The following LYSMD4 variants were observed in gnomAD, a reference collection of about 807,000 sequenced individuals.
LYSMD4 encodes LysM domain containing 4, also known as lysM and putative peptidoglycan-binding domain-containing protein 4.
In LYSMD4, 9 loss-of-function variants were observed where a neutral mutation model predicts 6.1. The ratio of observed to expected loss-of-function variants is 1.47; its 90% CI spans 0.88 to 2.56. The LOEUF is 2.56. Among genes scored for constraint, LYSMD4 ranks in the 30% most tolerant of loss-of-function variants. The probability of loss-of-function intolerance (pLI) is 0.00; values close to 1 mark genes in which losing one functional copy is unlikely to be tolerated. For missense variants in LYSMD4, 384 were observed against 373.5 expected, an observed-to-expected ratio of 1.03 and a Z score of -0.23; for synonymous variants, 143 against 148.5, an observed-to-expected ratio of 0.96 and a Z score of 0.27.
upstream of LYSMD4, among the ~76,000 whole-genome samples, chr15:99,720,418 C>A (rs1438736145): frequency 6.6e-6 from 1 of 152,060 alleles, no homozygotes; most frequent in Non-Finnish European, 1.5e-5. Flanking sequence ...CCCAGGAATT[C>A]GAGACCAGCC....
chr15:99,726,537 C>T (rs568398792), downstream of LYSMD4, among the ~76,000 whole-genome samples: 61 of 152,222 alleles, frequency 4.0e-4, no homozygotes, highest in African/African-American at 1.4e-3. Context: ...CCTTGCATGG[C>T]GGGGCCTTGA....
downstream of LYSMD4, among the ~76,000 whole-genome samples, chr15:99,723,696 T>C (rs968370860): frequency 6.6e-6 from 1 of 152,234 alleles, no homozygotes. Flanking sequence ...CTTCTTGCGA[T>C]GACACCAGGA....
At chr15:99,731,633 A>G (rs2059415203) in intron 2 of LYSMD4, 85 bp downstream of exon 2, 4 of 1,521,340 alleles carry the variant, frequency 2.6e-6, no homozygotes, top group South Asian at 1.3e-5. Context: ...CAGGGTTAAG[A>G]AGGGCGGCAA....
At chr15:99,721,841 G>T (rs1019148361), upstream of LYSMD4, among the ~76,000 whole-genome samples, 1 of 152,206 alleles carries the variant, frequency 6.6e-6, no homozygotes, top group Admixed American at 6.5e-5. Context: ...TGATCTCTGA[G>T]AGACCAGAAA....
exon 1 of LYSMD4, chr15:99,715,887 T>A (rs28377673): frequency 1.3e-5 from 2 of 152,362 alleles, no homozygotes; most frequent in Admixed American, 6.5e-5. Context: ...AGCCCAATTA[T>A]GTCCATTTTG....
At chr15:99,715,888 GTCCA>G (rs949934366) in exon 1 of LYSMD4, 21 of 152,360 alleles carry the variant, frequency 1.4e-4, no homozygotes, top group African/African-American at 5.1e-4. Context: ...GCCCAATTAT[GTCCA>G]TTTTGTTATA....
chr15:99,733,200 C>T (rs966171585), intron 1 of LYSMD4, 145 bp downstream of exon 1: 1 of 373,606 alleles, frequency 2.7e-6, no homozygotes, highest in Non-Finnish European at 4.8e-6. Flanking sequence ...TCGCGGTCAC[C>T]GCCCCTCCAG....
chr15:99,718,490 C>T (rs1222881018), upstream of LYSMD4, among the ~76,000 whole-genome samples: 1 of 152,208 alleles, frequency 6.6e-6, no homozygotes, highest in Non-Finnish European at 1.5e-5. Context: ...TGGTAGCTGC[C>T]TGTTTTCTTC....
At chr15:99,730,894 C>T (rs1444441980) in intron 2 of LYSMD4, among the ~76,000 whole-genome samples, 1 of 152,176 alleles carries the variant, frequency 6.6e-6, no homozygotes, top group Non-Finnish European at 1.5e-5. Flanking sequence ...AGCTGCTTAT[C>T]GGAGCCAAAT....
Position 99,729,642 on chromosome 15 carries a change from C to T in LYSMD4, c.372G>A (p.Gly124=). 6.2e-7 allele frequency: 1 copy of T among 1,614,088 alleles called. No individual in the cohort carries two copies. The highest frequency in any genetic ancestry group is 8.5e-7 in the Non-Finnish European group (1 of 1,180,024). ...KSVKIPVRNH[G]ILMETHKELK... ...GTTCTTTGTGGGTCTCCATCAGGAT[C>T]CCATGGTTTCTCACTGGAATCTTAA... Residue 124 remains glycine, a synonymous_variant, in exon 3 of 3, where the codon GGG becomes GGA. Transcript: ENST00000684762.
chr15:99,716,188 T>TA (rs2059134157), exon 1 of LYSMD4: 1 of 183,992 alleles, frequency 5.4e-6, no homozygotes, highest in African/African-American at 2.4e-5. Context: ...ATGGCTTTTT[T>TA]AAAAGAGATT....
At position 99,728,961 on chromosome 15, in the gene LYSMD4, C is replaced by G. The variant is rs886700229; in HGVS notation, c.*162G>C. On this transcript the variant is annotated 3_prime_UTR_variant, in exon 3 of 3. Coordinates refer to ENST00000684762, the MANE Select transcript of LYSMD4 (RefSeq NM_001284417.2). Reference sequence around the variant, plus strand: ...TCCTGCCAGCTTAGACTGGGTAAGGCCATGCCCAGGGCCAGTGCAATTGGG... The same window carrying G: ...TCCTGCCAGCTTAGACTGGGTAAGGGCATGCCCAGGGCCAGTGCAATTGGG... 5 of 985,686 alleles carry G rather than the reference C, an allele frequency of 5.1e-6. No individual in the cohort carries two copies. The African/African-American group carries it at 8.1e-5, about 16-fold the overall frequency. 61.1% of individuals were successfully genotyped at this position (985,686 alleles called of 1,614,324 possible). A position where few individuals can be genotyped will look rare whatever the true frequency, so the allele number is the denominator to read the frequency against.
downstream of LYSMD4, among the ~76,000 whole-genome samples, chr15:99,725,009 C>T (rs960919189): frequency 6.6e-6 from 1 of 152,210 alleles, no homozygotes; most frequent in South Asian, 2.1e-4. Flanking sequence ...GCTATCCACA[C>T]TCTCCGAGCC....
At position 99,731,701 on chromosome 15, in the gene LYSMD4, C is replaced by T. The variant is rs1366352176; in HGVS notation, c.282+17G>A. ...CCTTGAAACGGAGCGGGGCAGGGCC[C>T]CTGAGGGGTGTCTTACTTTGCAGCC... On this transcript the variant is annotated intron_variant, in intron 2 of 2. Coordinates refer to ENST00000684762, the MANE Select transcript of LYSMD4 (RefSeq NM_001284417.2). 7 of 1,570,302 alleles carry T rather than the reference C, an allele frequency of 4.5e-6. No homozygotes were observed. The highest frequency in any genetic ancestry group is 6.0e-6 in the Non-Finnish European group (7 of 1,159,630).
At chr15:99,730,108 G>C (rs769337521) in intron 2 of LYSMD4, among the ~76,000 whole-genome samples, 24 of 152,196 alleles carry the variant, frequency 1.6e-4, no homozygotes, top group Non-Finnish European at 2.9e-4. Flanking sequence ...TCACTTTTGA[G>C]GCAATAGTGC....
chr15:99,731,427 AAAG>A, intron 2 of LYSMD4: 1 of 1,607,416 alleles, frequency 6.2e-7, no homozygotes, highest in South Asian at 1.1e-5. Flanking sequence ...AATGTGCTCG[AAAG>A]AAGAAAAAAG....
At chr15:99,726,693 T>C (rs1426278952), downstream of LYSMD4, among the ~76,000 whole-genome samples, 1 of 152,140 alleles carries the variant, frequency 6.6e-6, no homozygotes, top group Admixed American at 6.5e-5. Context: ...TGCTTGACAA[T>C]GGAGATTCCT....
At chr15:99,731,632 G>A in intron 2 of LYSMD4, 86 bp downstream of exon 2, 2 of 1,522,492 alleles carry the variant, frequency 1.3e-6, no homozygotes, top group Non-Finnish European at 1.8e-6. Context: ...GCAGGGTTAA[G>A]AAGGGCGGCA....
chr15:99,720,404 TGA>T (rs750405790), upstream of LYSMD4, among the ~76,000 whole-genome samples: 2 of 152,168 alleles, frequency 1.3e-5, no homozygotes, highest in Non-Finnish European at 2.9e-5. Context: ...GAGGATCACT[TGA>T]GCCCAGGAAT....
Sources: allele counts gnomAD v4.1 joint callset (sites outside exome capture counted in the v4.1 genomes callset), GRCh38; gene constraint gnomAD v4.1.1; transcripts MANE v1.5; gene names NCBI Gene and HGNC (gene_info 2026-07-23, HGNC 2026-07-21).